Variants in TULP4 observed in about 807,000 individuals in gnomAD.
The protein encoded by TULP4 is TUB like protein 4.
TULP4 carries 16 observed loss-of-function variants against 129.0 expected under a neutral mutation model. The observed-to-expected ratio is 0.12, with a 90% confidence interval of 0.08 to 0.19. TULP4 has a LOEUF of 0.19. Among genes scored for constraint, TULP4 ranks in the 10% least tolerant of loss-of-function variants. TULP4 has a pLI of 1.00. For missense variants in TULP4, 1,842 were observed against 2,059.1 expected (o/e 0.89, Z 2.04); for synonymous variants, 998 against 854.0 (o/e 1.17, Z -2.94).
intron 1 of TULP4, among the ~76,000 whole-genome samples, chr6:158,290,239 A>T (rs928232860): frequency 6.6e-6 from 1 of 152,176 alleles, no homozygotes; most frequent in African/African-American, 2.4e-5. Context: ...GGGTGAGAAG[A>T]CATCTGCTTG....
chr6:158,475,908 A>G (rs1779806435), intron 6 of TULP4, among the ~76,000 whole-genome samples: 1 of 152,216 alleles, frequency 6.6e-6, no homozygotes. Context: ...ACCAGCAGAA[A>G]TGTGACTTTT....
chr6:158,283,999 A>G (rs755757322), intron 1 of TULP4, among the ~76,000 whole-genome samples: 1 of 152,198 alleles, frequency 6.6e-6, no homozygotes, highest in Non-Finnish European at 1.5e-5. Context: ...GAGGCTGACC[A>G]TATATTCTGG....
chr6:158,426,601 A>G (rs1392106842), intron 2 of TULP4, among the ~76,000 whole-genome samples: 2 of 152,158 alleles, frequency 1.3e-5, no homozygotes, highest in African/African-American at 4.8e-5. Context: ...TACCAGTACC[A>G]TGCTGTTTTG....
chr6:158,317,344 A>G (rs1380768102), intron 1 of TULP4, among the ~76,000 whole-genome samples: 1 of 125,520 alleles, frequency 8.0e-6, no homozygotes, highest in African/African-American at 3.0e-5. Flanking sequence ...AGGCCCCCAT[A>G]TGTGATGTTC....
chr6:158,448,831 G>A (rs1013893569), intron 3 of TULP4, among the ~76,000 whole-genome samples, 165 bp from the exon 4 acceptor site: 2 of 152,250 alleles, frequency 1.3e-5, no homozygotes, highest in Non-Finnish European at 2.9e-5. Flanking sequence ...GGAATAGCCA[G>A]CAGAGGTTCT....
chr6:158,511,699 G>A lies in TULP4; in HGVS notation c.*5005G>A, dbSNP rs1233803043. 2.0e-5 allele frequency: 3 copies of A among 152,302 alleles called. No homozygotes were observed. Among genetic ancestry groups the A allele is most frequent in the Non-Finnish European group, 2.9e-5 (2 of 68,038 alleles). The allele number at this position is 152,302 out of a possible 1,614,324, so 9.4% of individuals were successfully genotyped here. A position where few individuals can be genotyped will look rare whatever the true frequency, so the allele number is the denominator to read the frequency against. ...GGCATTAATGGTTTGCATTCAAAAC[G>A]ATGTGGTTTGTCCAAGTTATTTTCT... On this transcript the variant is annotated 3_prime_UTR_variant, in exon 14 of 14. Transcript: ENST00000367097.
At chr6:158,291,164 G>A (rs191263374) in intron 1 of TULP4, among the ~76,000 whole-genome samples, 100 of 152,034 alleles carry the variant, frequency 6.6e-4, no homozygotes, top group Non-Finnish European at 1.1e-3. Context: ...TTCTTTTTTC[G>A]TTGTTTCTTA....
rs185009521 is a variant in TULP4, at chr6:158,498,564, G to A, written c.1871-105G>A. ...CCCTGCCTACACAGATCTGTCTTCT[G>A]ATGGCAGGGAAACTGCAGTGCGCTC... On this transcript the variant is annotated intron_variant, in intron 11 of 13. Coordinates refer to ENST00000367097, the MANE Select transcript of TULP4 (RefSeq NM_020245.5). 5.2e-5 allele frequency: 73 copies of A among 1,416,936 alleles called. No homozygotes were observed. In the Admixed American group the frequency reaches 1.0e-3, roughly 20 times the overall value. The allele number at this position is 1,416,936 out of a possible 1,614,324, so 87.8% of individuals were successfully genotyped here.
chr6:158,443,015 C>G (rs746339292), intron 3 of TULP4, among the ~76,000 whole-genome samples: 6 of 151,678 alleles, frequency 4.0e-5, no homozygotes, highest in South Asian at 4.2e-4. Flanking sequence ...GATGGAGTCT[C>G]ACTCTGTCAC....
chr6:158,404,585 GAC>G (rs1777931908), intron 1 of TULP4, among the ~76,000 whole-genome samples: 1 of 152,078 alleles, frequency 6.6e-6, no homozygotes, highest in Non-Finnish European at 1.5e-5. Flanking sequence ...AGACCAGCCT[GAC>G]CAACATGGTG....
chr6:158,296,616 C>T (rs981836951), intron 1 of TULP4, among the ~76,000 whole-genome samples: 2 of 150,482 alleles, frequency 1.3e-5, no homozygotes, highest in East Asian at 2.0e-4. Context: ...TGATAAGTAT[C>T]GGGGGAACCC....
intron 11 of TULP4, among the ~76,000 whole-genome samples, chr6:158,497,568 A>AT (rs1453536679): frequency 1.3e-5 from 2 of 152,260 alleles, no homozygotes; most frequent in East Asian, 1.9e-4. Flanking sequence ...CCCTCCTAGA[A>AT]TTTTTTTAAA....
At chr6:158,419,034 G>T (rs1027081431) in intron 2 of TULP4, among the ~76,000 whole-genome samples, 6 of 152,146 alleles carry the variant, frequency 3.9e-5, no homozygotes, top group African/African-American at 1.4e-4. Flanking sequence ...GTAATGCGTT[G>T]TTTCTGAAAA....
At chr6:158,490,640 A>T (rs192001396) in intron 9 of TULP4, among the ~76,000 whole-genome samples, 1 of 152,312 alleles carries the variant, frequency 6.6e-6, no homozygotes, top group East Asian at 1.9e-4. Context: ...GATAAAAGAC[A>T]TGTCATCATC....
At chr6:158,454,952 A>G (rs1352485729) in intron 5 of TULP4, among the ~76,000 whole-genome samples, 4 of 152,000 alleles carry the variant, frequency 2.6e-5, no homozygotes, top group South Asian at 2.1e-4. Context: ...CAATATAGGT[A>G]GAAGGATATG....
At chr6:158,501,618 C>A in intron 12 of TULP4, 60 bp from the exon 13 acceptor site, 1 of 1,517,540 alleles carries the variant, frequency 6.6e-7, no homozygotes, top group Middle Eastern at 1.8e-4. Flanking sequence ...TATTGCTTAT[C>A]CTGATCTGGT....
intron 6 of TULP4, among the ~76,000 whole-genome samples, chr6:158,474,601 C>G (rs1004981937): frequency 2.6e-5 from 4 of 152,214 alleles, no homozygotes; most frequent in Admixed American, 2.6e-4. Flanking sequence ...TGCTCTGGCT[C>G]TCGCTCAACA....
chr6:158,417,848 C>T (rs988720836), intron 2 of TULP4, among the ~76,000 whole-genome samples: 1 of 152,048 alleles, frequency 6.6e-6, no homozygotes, highest in Non-Finnish European at 1.5e-5. Context: ...ATTAAGAGTC[C>T]TTTATTTCAA....
At chr6:158,363,106 C>T (rs1415150952) in intron 1 of TULP4, among the ~76,000 whole-genome samples, 2 of 149,272 alleles carry the variant, frequency 1.3e-5, no homozygotes, top group African/African-American at 4.9e-5. Context: ...TGTATTAGGG[C>T]CAGGGAGTAT....
Sources: gnomAD v4.1 joint callset for allele counts (sites outside exome capture counted in the v4.1 genomes callset) on GRCh38, gnomAD v4.1.1 for gene constraint, MANE v1.5 for transcripts, NCBI Gene and HGNC (gene_info 2026-07-23, HGNC 2026-07-21) for gene names.